EED: variants seen among roughly 807,000 people sequenced by gnomAD.
The protein encoded by EED is embryonic ectoderm development.
Under a neutral mutation model 61.0 loss-of-function variants are expected in EED, and 9 were observed. The observed-to-expected ratio is 0.15, with a 90% CI of 0.09 to 0.26. EED has a LOEUF of 0.26. Among genes scored for constraint, EED ranks in the 10% least tolerant of loss-of-function variants. The pLI is 1.00. For missense variants in EED, 315 were observed against 542.3 expected (o/e 0.58, Z 4.16); for synonymous variants, 187 against 174.4 (o/e 1.07, Z -0.57).
intron 8 of EED, 65 bp from the exon 9 acceptor site, chr11:86,268,391 G>T: frequency 9.2e-7 from 1 of 1,084,418 alleles, no homozygotes; most frequent in South Asian, 1.7e-5. Flanking sequence ...ATCCAAAAAT[G>T]AAAAAGAGTA....
chr11:86,277,046 C>T lies in EED; in HGVS notation c.1033C>T (p.Pro345Ser). 2 of 1,578,918 alleles carry T rather than the reference C, an allele frequency of 1.3e-6. No individual in the cohort carries two copies. The highest frequency in any genetic ancestry group is 1.7e-6 in the Non-Finnish European group (2 of 1,156,360). Residue 345 changes from proline (P) to serine (S), a missense_variant, in exon 10 of 12, where the codon CCC becomes TCC. Coordinates refer to ENST00000263360, the MANE Select transcript of EED (RefSeq NM_003797.5). ...GGAAGATGATATAGATAAAATTAAA[C>T]CCAGTGAATCTAATGTGACTATTCT... is the stretch of plus-strand genomic sequence containing the variant. The part of the protein sequence containing the change: ...KMEDDIDKIK[P>S]SESNVTILGR...
intron 10 of EED, chr11:86,277,591 G>A (rs965724941): frequency 3.9e-4 from 76 of 193,346 alleles, no homozygotes; most frequent in African/African-American, 1.7e-3. Context: ...ATTTATTTCT[G>A]TAAGAAAAGT....
At chr11:86,252,002 T>G in intron 2 of EED, 146 bp from the exon 3 acceptor site, 1 of 485,748 alleles carries the variant, frequency 2.1e-6, no homozygotes, top group South Asian at 5.0e-5. Context: ...AGACATCTTT[T>G]AATTTTAGTG....
chr11:86,257,185 TTGTGTG>T lies in EED; in HGVS notation c.553-302_553-297del, dbSNP rs71040223. Among the ~76,000 whole-genome samples, 75 of 143,450 alleles carry T rather than the reference TTGTGTG, an allele frequency of 5.2e-4. 3 individuals are homozygous for T. The highest frequency in any genetic ancestry group is 4.4e-3 in the East Asian group (22 of 4,944). 94.1% of individuals were successfully genotyped at this position (143,450 alleles called of 152,430 possible). A position where few individuals can be genotyped will look rare whatever the true frequency, so the allele number is the denominator to read the frequency against. On this transcript the variant is annotated intron_variant, in intron 5 of 11. Transcript: ENST00000263360. ...CAAGTAGCTGGGGCCAATTTTTAAT[TTGTGTG>T]TGTGTGTGTGTGTGTGTGTGTGTGT...
At chr11:86,278,337 T>A (rs1368230454) in intron 11 of EED, 62 bp from the exon 12 acceptor site, 1 of 1,568,252 alleles carries the variant, frequency 6.4e-7, no homozygotes, top group African/African-American at 1.4e-5. Context: ...ATCCGCTGTT[T>A]TAGGGTAGAC....
downstream of EED, chr11:86,278,897 A>G (rs1442298080): frequency 5.4e-6 from 1 of 185,056 alleles, no homozygotes; most frequent in Non-Finnish European, 1.1e-5. Context: ...AAGTGAATTC[A>G]AATCTTGGCT....
At chr11:86,286,971 C>CAAAAAAAA in the EED span, among the ~76,000 whole-genome samples, 14 of 68,298 alleles carry the variant, frequency 2.0e-4, no homozygotes, top group African/African-American at 3.4e-4. Context: ...GACTCCGTCT[C>CAAAAAAAA]AAAAAAAAAA....
At chr11:86,280,242 C>T (rs1174998740), downstream of EED, among the ~76,000 whole-genome samples, 1 of 152,114 alleles carries the variant, frequency 6.6e-6, no homozygotes, top group Non-Finnish European at 1.5e-5. Flanking sequence ...AGGTGTGTGC[C>T]ACGATGCCCA....
intron 9 of EED, among the ~76,000 whole-genome samples, chr11:86,275,139 G>C (rs1946199638): frequency 6.6e-6 from 1 of 152,064 alleles, no homozygotes; most frequent in Non-Finnish European, 1.5e-5. Flanking sequence ...GAAACTCAAC[G>C]GTTATCGTTT....
chr11:86,253,505 G>C (rs761444205), intron 3 of EED, among the ~76,000 whole-genome samples: 1 of 152,094 alleles, frequency 6.6e-6, no homozygotes, highest in African/African-American at 2.4e-5. Flanking sequence ...ACATAAAGGG[G>C]TGTCATATAG....
the EED span, among the ~76,000 whole-genome samples, chr11:86,286,971 CAAA>C: frequency 1.3e-4 from 9 of 68,326 alleles, no homozygotes; most frequent in East Asian, 5.1e-4. Flanking sequence ...GACTCCGTCT[CAAA>C]AAAAAAAAAA....
chr11:86,283,477 T>C (rs1946346366), downstream of EED, among the ~76,000 whole-genome samples: 1 of 152,224 alleles, frequency 6.6e-6, no homozygotes, highest in Admixed American at 6.5e-5. Context: ...GCTACTGTGA[T>C]GTAGTCTATA....
the EED span, among the ~76,000 whole-genome samples, chr11:86,286,971 C>CAAAAAAAAAAAAAAA: frequency 1.0e-4 from 7 of 68,342 alleles, no homozygotes; most frequent in African/African-American, 3.4e-4. Flanking sequence ...GACTCCGTCT[C>CAAAAAAAAAAAAAAA]AAAAAAAAAA....
intron 8 of EED, among the ~76,000 whole-genome samples, chr11:86,267,056 A>G (rs1487582259): frequency 1.3e-5 from 2 of 152,230 alleles, no homozygotes; most frequent in Non-Finnish European, 2.9e-5. Context: ...ACCAGGAGCT[A>G]GTAGGACAAT....
At chr11:86,252,844 C>T (rs1945570199) in intron 3 of EED, among the ~76,000 whole-genome samples, 1 of 152,098 alleles carries the variant, frequency 6.6e-6, no homozygotes, top group South Asian at 2.1e-4. Context: ...ACTGCAGCCT[C>T]AACTTCTGGG....
chr11:86,265,859 T>C (rs1395556012), intron 7 of EED: 2 of 324,158 alleles, frequency 6.2e-6, no homozygotes, highest in African/African-American at 4.3e-5. Flanking sequence ...TTTTCTTGGT[T>C]TATACATTGT....
At chr11:86,278,064 C>G in intron 11 of EED, 73 bp downstream of exon 11, 2 of 1,404,092 alleles carry the variant, frequency 1.4e-6, no homozygotes, top group Non-Finnish European at 1.9e-6. Context: ...TAGAGAAGAT[C>G]ATTTATATTT....
At chr11:86,261,334 C>A (rs543311287) in intron 6 of EED, among the ~76,000 whole-genome samples, 1 of 152,234 alleles carries the variant, frequency 6.6e-6, no homozygotes, top group Non-Finnish European at 1.5e-5. Context: ...CCAGAATAAT[C>A]TTCCTTGGCT....
At chr11:86,281,345 C>CT (rs929841622), downstream of EED, among the ~76,000 whole-genome samples, 3 of 151,988 alleles carry the variant, frequency 2.0e-5, no homozygotes, top group African/African-American at 7.2e-5. Flanking sequence ...GATTTGAGTC[C>CT]TTTTTTTCTT....
Sources: allele counts gnomAD v4.1 joint callset (sites outside exome capture counted in the v4.1 genomes callset), GRCh38; gene constraint gnomAD v4.1.1; transcripts MANE v1.5; gene names NCBI Gene and HGNC (gene_info 2026-07-23, HGNC 2026-07-21).